The following SUGCT variants were observed in gnomAD, a reference collection of about 807,000 sequenced individuals.
The protein encoded by SUGCT is succinyl-CoA:glutarate CoA-transferase.
SUGCT carries 41 observed loss-of-function variants against 55.0 expected under a neutral mutation model. That is an observed-to-expected ratio of 0.74 (90% CI 0.58 to 0.97). SUGCT has a LOEUF of 0.97. Among genes scored for constraint, SUGCT ranks in the 50% least tolerant of loss-of-function variants. SUGCT has a pLI of 0.00. For missense variants in SUGCT, 568 were observed against 547.8 expected, an observed-to-expected ratio of 1.04 and a Z score of -0.37; for synonymous variants, 187 against 200.4, an observed-to-expected ratio of 0.93 and a Z score of 0.56.
intron 13 of SUGCT, among the ~76,000 whole-genome samples, chr7:40,818,962 A>G (rs369275816): frequency 1.5e-5 from 2 of 130,656 alleles, no homozygotes; most frequent in African/African-American, 3.0e-5. Context: ...CCTGTGTCCA[A>G]GTGTTCTCAT....
the SUGCT span, among the ~76,000 whole-genome samples, chr7:40,972,321 G>C: frequency 6.6e-6 from 1 of 152,104 alleles, no homozygotes; most frequent in African/African-American, 2.4e-5. Context: ...GTCAGGTCTG[G>C]GATTCGATTT....
At chr7:40,893,622 T>A in the SUGCT span, among the ~76,000 whole-genome samples, 1 of 152,064 alleles carries the variant, frequency 6.6e-6, no homozygotes, top group African/African-American at 2.4e-5. Flanking sequence ...AATCAATAAA[T>A]AAAGAATTTT....
At chr7:40,672,727 A>G (rs1802001642) in intron 12 of SUGCT, among the ~76,000 whole-genome samples, 1 of 152,230 alleles carries the variant, frequency 6.6e-6, no homozygotes, top group Admixed American at 6.5e-5. Flanking sequence ...AGGAAACTGC[A>G]TAATGGTTAT....
chr7:40,819,912 A>G (rs1019344219), intron 13 of SUGCT, among the ~76,000 whole-genome samples: 4 of 152,160 alleles, frequency 2.6e-5, no homozygotes, highest in Non-Finnish European at 2.9e-5. Flanking sequence ...TAAGTCTTTA[A>G]TCTATCTTGA....
At chr7:40,364,453 C>A (rs11531504) in intron 9 of SUGCT, among the ~76,000 whole-genome samples, 15,407 of 151,920 alleles carry the variant, frequency 0.1, 1,156 homozygotes, top group East Asian at 0.44. Context: ...TGGCTGGTAC[C>A]GGTTGTTCCT....
chr7:40,868,412 C>A, the SUGCT span, among the ~76,000 whole-genome samples: 5 of 152,102 alleles, frequency 3.3e-5, no homozygotes, highest in Non-Finnish European at 7.4e-5. Context: ...TGAGAACATG[C>A]GGTGTTTGGT....
intron 9 of SUGCT, among the ~76,000 whole-genome samples, chr7:40,419,339 A>G (rs915587642): frequency 7.2e-5 from 11 of 152,238 alleles, no homozygotes; most frequent in Admixed American, 5.2e-4. Context: ...ACTTCTATAT[A>G]TTACTGGCCA....
At chr7:40,430,917 C>G (rs1051947128) in intron 9 of SUGCT, among the ~76,000 whole-genome samples, 2 of 151,772 alleles carry the variant, frequency 1.3e-5, no homozygotes, top group Non-Finnish European at 2.9e-5. Context: ...AAGTTCGAGA[C>G]CAGCCTGGCC....
chr7:40,998,624 C>T, the SUGCT span, among the ~76,000 whole-genome samples: 8 of 152,298 alleles, frequency 5.3e-5, no homozygotes, highest in African/African-American at 1.9e-4. Flanking sequence ...TGCCCAGGTA[C>T]AATCTCAAAG....
At chr7:40,440,566 T>C (rs1435095650) in intron 9 of SUGCT, among the ~76,000 whole-genome samples, 1 of 152,160 alleles carries the variant, frequency 6.6e-6, no homozygotes, top group Non-Finnish European at 1.5e-5. Context: ...AGCATCATCA[T>C]GACACCTTTT....
chr7:40,919,121 C>T, the SUGCT span, among the ~76,000 whole-genome samples: 1 of 152,192 alleles, frequency 6.6e-6, no homozygotes, highest in Non-Finnish European at 1.5e-5. Context: ...TGGATGAGCT[C>T]ACTGAATCAC....
intron 12 of SUGCT, among the ~76,000 whole-genome samples, chr7:40,650,266 G>C (rs79443486): frequency 0.028 from 4,275 of 152,236 alleles, 174 homozygotes; most frequent in African/African-American, 0.099. Context: ...GTGACATTAT[G>C]CTACCTCTAC....
chr7:41,004,688 C>T, the SUGCT span, among the ~76,000 whole-genome samples: 2 of 152,244 alleles, frequency 1.3e-5, no homozygotes, highest in African/African-American at 4.8e-5. Context: ...CCTGTCCTCC[C>T]TGCTGTTTGA....
intron 12 of SUGCT, among the ~76,000 whole-genome samples, chr7:40,710,253 G>T (rs773903314): frequency 1.3e-5 from 2 of 152,166 alleles, no homozygotes; most frequent in Non-Finnish European, 2.9e-5. Context: ...TCTAGAAAAT[G>T]CTGTAGAACG....
chr7:40,165,730 AT>A (rs11349406), intron 1 of SUGCT, among the ~76,000 whole-genome samples: 58,761 of 151,884 alleles, frequency 0.39, 12,745 homozygotes, highest in Middle Eastern at 0.58. Flanking sequence ...TAGAATAATC[AT>A]ATGTTTATCT....
chr7:40,709,117 A>C (rs544626722), intron 12 of SUGCT, among the ~76,000 whole-genome samples: 1 of 152,326 alleles, frequency 6.6e-6, no homozygotes, highest in African/African-American at 2.4e-5. Flanking sequence ...AAATTTTAGA[A>C]GAGTCACTAG....
chr7:40,639,163 A>G (rs1487780067), intron 12 of SUGCT, among the ~76,000 whole-genome samples: 2 of 152,182 alleles, frequency 1.3e-5, no homozygotes, highest in African/African-American at 4.8e-5. Flanking sequence ...TGTATGCTAT[A>G]CTATCTGTTT....
intron 9 of SUGCT, among the ~76,000 whole-genome samples, chr7:40,361,899 C>T (rs896312998): frequency 1.3e-5 from 2 of 151,744 alleles, no homozygotes; most frequent in African/African-American, 2.4e-5. Context: ...TGAGACCCAT[C>T]GCCAGAGATT....
In SUGCT at chr7:40,763,895, G is replaced by T. The variant is rs1424157394; in HGVS notation, c.1153+14398G>T. On this transcript the variant is annotated intron_variant, in intron 13 of 13. Transcript: ENST00000335693. ...TGGCATTGTGGAATGTCCCAGGAAG[G>T]GGGGAATGGGGCCAATTAGAAAGGA... Among the ~76,000 whole-genome samples, 8 of 152,118 alleles carry T rather than the reference G, an allele frequency of 5.3e-5. No individual in the cohort carries two copies. The South Asian group carries it at 1.2e-3, about 24-fold the overall frequency.
Sources: allele counts gnomAD v4.1 joint callset (sites outside exome capture counted in the v4.1 genomes callset), GRCh38; gene constraint gnomAD v4.1.1; transcripts MANE v1.5; gene names NCBI Gene and HGNC (gene_info 2026-07-23, HGNC 2026-07-21).